Variants in PPP1R9A observed in about 807,000 individuals in gnomAD.
PPP1R9A encodes protein phosphatase 1 regulatory subunit 9A.
A neutral mutation model predicts 141.9 loss-of-function variants in PPP1R9A; 59 were observed. The ratio of observed to expected loss-of-function variants is 0.42; its 90% CI spans 0.34 to 0.52. The LOEUF is 0.52. PPP1R9A is among the 20% of genes least tolerant of loss of function. The probability of loss-of-function intolerance (pLI) is 0.10; values close to 1 mark genes in which losing one functional copy is unlikely to be tolerated. For missense variants in PPP1R9A, 1,444 were observed against 1,611.9 expected, an observed-to-expected ratio of 0.90 and a Z score of 1.78; for synonymous variants, 500 against 569.7, an observed-to-expected ratio of 0.88 and a Z score of 1.74.
chr7:95,188,568 T>TTGTGTG (rs995808656), intron 5 of PPP1R9A, among the ~76,000 whole-genome samples: 1 of 150,402 alleles, frequency 6.6e-6, no homozygotes, highest in Non-Finnish European at 1.5e-5. Flanking sequence ...TTGTTTTTGT[T>TTGTGTG]TGTGTGTGTG....
chr7:94,957,702 T>G (rs1311154769), intron 2 of PPP1R9A, among the ~76,000 whole-genome samples: 3 of 152,102 alleles, frequency 2.0e-5, no homozygotes, highest in Non-Finnish European at 4.4e-5. Context: ...CATGGAGATA[T>G]ACAATGCCTA....
intron 6 of PPP1R9A, among the ~76,000 whole-genome samples, chr7:95,203,246 ATG>A (rs1789972779): frequency 1.3e-5 from 2 of 151,972 alleles, no homozygotes; most frequent in African/African-American, 4.8e-5. Flanking sequence ...TTGTGTTAGC[ATG>A]TCATAATTAG....
chr7:94,936,412 C>G (rs953005572), intron 2 of PPP1R9A, among the ~76,000 whole-genome samples: 8 of 152,126 alleles, frequency 5.3e-5, no homozygotes, highest in African/African-American at 1.7e-4. Context: ...AGTCTTTGCT[C>G]TTTAGCAATA....
intron 2 of PPP1R9A, among the ~76,000 whole-genome samples, chr7:95,055,705 T>C (rs1267986986): frequency 1.3e-5 from 2 of 152,176 alleles, no homozygotes; most frequent in Non-Finnish European, 2.9e-5. Context: ...TTCTTATTAG[T>C]ACACTCATTT....
chr7:94,975,158 C>CA (rs1457079300), intron 2 of PPP1R9A, among the ~76,000 whole-genome samples: 3 of 151,998 alleles, frequency 2.0e-5, no homozygotes, highest in African/African-American at 7.2e-5. Flanking sequence ...ACTCTGGTCT[C>CA]AAAATCAAAT....
intron 2 of PPP1R9A, among the ~76,000 whole-genome samples, chr7:95,108,310 T>TC (rs1819909838): frequency 1.8e-5 from 2 of 112,318 alleles, no homozygotes; most frequent in African/African-American, 4.0e-5. Context: ...TTCTTTTCTT[T>TC]TTTTTTTTTT....
chr7:94,917,690 G>A (rs1792266087), intron 2 of PPP1R9A, among the ~76,000 whole-genome samples: 1 of 151,908 alleles, frequency 6.6e-6, no homozygotes, highest in Non-Finnish European at 1.5e-5. Context: ...TTAAAGGCAT[G>A]AGCCACTGTG....
chr7:95,042,500 A>G (rs1350814302), intron 2 of PPP1R9A, among the ~76,000 whole-genome samples: 3 of 152,252 alleles, frequency 2.0e-5, no homozygotes, highest in African/African-American at 4.8e-5. Context: ...AAGTGAAAAT[A>G]CCAAATTTTG....
At chr7:95,182,405 A>T (rs1833991130) in intron 5 of PPP1R9A, among the ~76,000 whole-genome samples, 1 of 152,178 alleles carries the variant, frequency 6.6e-6, no homozygotes, top group Non-Finnish European at 1.5e-5. Flanking sequence ...TTATATTTGG[A>T]TATACACCTG....
chr7:95,268,724 G>A lies in PPP1R9A; in HGVS notation c.2823+17G>A, dbSNP rs200612047. ...GAGAGAAAGGTGAGCACCCTTGACC[G>A]TTTCCTGATTTGTACTGTTGGAGTA... is the stretch of plus-strand genomic sequence containing the variant. On this transcript the variant is annotated intron_variant, in intron 13 of 19. Coordinates refer to ENST00000433360, the MANE Select transcript of PPP1R9A (RefSeq NM_001166160.2). 1.2e-4 allele frequency: 191 copies of A among 1,607,596 alleles called. 1 individual carries two copies. The highest frequency in any genetic ancestry group is 8.6e-4 in the Admixed American group (51 of 59,322).
intron 12 of PPP1R9A, among the ~76,000 whole-genome samples, chr7:95,260,583 A>G (rs1800278624): frequency 6.6e-6 from 1 of 151,620 alleles, no homozygotes; most frequent in South Asian, 2.1e-4. Context: ...GGAGGCTGAG[A>G]TGGGAGAATC....
chr7:95,057,149 T>C (rs1246652755), intron 2 of PPP1R9A, among the ~76,000 whole-genome samples: 1 of 152,106 alleles, frequency 6.6e-6, no homozygotes, highest in African/African-American at 2.4e-5. Context: ...TTCCTTTTCT[T>C]TTTTTCTGCT....
At chr7:94,921,622 T>A (rs1792851804) in intron 2 of PPP1R9A, among the ~76,000 whole-genome samples, 3 of 152,086 alleles carry the variant, frequency 2.0e-5, no homozygotes, top group Admixed American at 6.5e-5. Context: ...ATTATTTTTT[T>A]AAATAACCCA....
intron 4 of PPP1R9A, among the ~76,000 whole-genome samples, chr7:95,129,216 A>G (rs1033079725): frequency 2.6e-5 from 4 of 152,146 alleles, no homozygotes; most frequent in Non-Finnish European, 4.4e-5. Context: ...TGTAAGTCCC[A>G]CAGTTCCCAC....
At chr7:95,271,721 G>A (rs941311353) in intron 14 of PPP1R9A, among the ~76,000 whole-genome samples, 1 of 152,124 alleles carries the variant, frequency 6.6e-6, no homozygotes, top group African/African-American at 2.4e-5. Flanking sequence ...TGAAAACCAG[G>A]TTGCCACAGC....
intron 2 of PPP1R9A, among the ~76,000 whole-genome samples, chr7:95,026,374 C>T (rs1234205318): frequency 6.6e-6 from 1 of 152,202 alleles, no homozygotes; most frequent in Non-Finnish European, 1.5e-5. Flanking sequence ...AGGTCTACTC[C>T]AGACCCAGTT....
rs201781185 is a variant in PPP1R9A, at chr7:95,226,025, T to C, written c.2021T>C (p.Met674Thr). ...GGACCTGTCCTTCCTGGCAGCGACA[T>C]GGCCATTGAAGTCTTTGAGCTGCCT... ...EVGPVLPGSD[M>T]AIEVFELPEN... The change falls in exon 8 of 20, where the codon ATG (methionine) becomes ACG (threonine). Residue 674 changes from methionine (M) to threonine (T), a missense_variant. This residue lies in a region of PPP1R9A where 488 missense variants were observed against 542.0 expected (regional missense o/e 0.90). Coordinates refer to ENST00000433360, the MANE Select transcript of PPP1R9A (RefSeq NM_001166160.2). 4 of 1,613,504 alleles carry C rather than the reference T, an allele frequency of 2.5e-6. No individual in the cohort carries two copies. In the African/African-American group the frequency reaches 4.0e-5, roughly 16 times the overall value.
chr7:95,053,162 CAGTT>C (rs1380218593), intron 2 of PPP1R9A, among the ~76,000 whole-genome samples: 11 of 152,142 alleles, frequency 7.2e-5, no homozygotes, highest in African/African-American at 2.7e-4. Flanking sequence ...ATGTTGTTCA[CAGTT>C]AGGGTCTCTC....
intron 8 of PPP1R9A, among the ~76,000 whole-genome samples, chr7:95,247,133 G>A (rs1798226871): frequency 1.3e-5 from 2 of 152,118 alleles, no homozygotes; most frequent in African/African-American, 2.4e-5. Context: ...TGTGTATGCC[G>A]TTCAGTTAGC....
Sources: allele counts gnomAD v4.1 joint callset (sites outside exome capture counted in the v4.1 genomes callset), GRCh38; gene constraint gnomAD v4.1.1; regional missense constraint gnomAD v4.1.1; transcripts MANE v1.5; gene names NCBI Gene and HGNC (gene_info 2026-07-23, HGNC 2026-07-21).